The following FANCL variants were observed in gnomAD, a reference collection of about 807,000 sequenced individuals.
FANCL encodes the protein E3 ubiquitin-protein ligase FANCL.
In FANCL, 69 loss-of-function variants were observed where a neutral mutation model predicts 59.4. The observed-to-expected ratio is 1.16, with a 90% CI of 0.96 to 1.42. The LOEUF (loss-of-function observed/expected upper bound fraction) is 1.42. Among genes scored for constraint, FANCL ranks in the 40% most tolerant of loss-of-function variants. The probability of loss-of-function intolerance (pLI) is 0.00; values close to 1 mark genes in which losing one functional copy is unlikely to be tolerated. For synonymous variants in FANCL, 180 were observed against 147.1 expected (o/e 1.22, Z -1.62); for missense variants, 519 against 447.2 (o/e 1.16, Z -1.45).
intron 7 of FANCL, among the ~76,000 whole-genome samples, chr2:58,185,949 T>C (rs183122859): frequency 2.0e-4 from 30 of 152,252 alleles, no homozygotes; most frequent in African/African-American, 7.0e-4. Context: ...CACTGAAATA[T>C]TGAGAAACAC....
intron 7 of FANCL, among the ~76,000 whole-genome samples, chr2:58,197,398 T>G (rs1238231245): frequency 6.6e-6 from 1 of 152,134 alleles, no homozygotes; most frequent in African/African-American, 2.4e-5. Context: ...TACGGAATAT[T>G]TGTAAAATGT....
chr2:58,206,497 G>A (rs1690597029), intron 5 of FANCL, among the ~76,000 whole-genome samples: 1 of 138,484 alleles, frequency 7.2e-6, no homozygotes, highest in South Asian at 2.6e-4. Context: ...GTTTAAGAGG[G>A]GTGGAAGAAA....
chr2:58,177,638 G>T (rs1324410234), intron 7 of FANCL, among the ~76,000 whole-genome samples: 2 of 105,152 alleles, frequency 1.9e-5, no homozygotes, highest in Non-Finnish European at 3.7e-5. Flanking sequence ...TTGTGGGGTG[G>T]GGGGAGGGGG....
intron 7 of FANCL, among the ~76,000 whole-genome samples, chr2:58,177,331 T>C (rs996540407): frequency 7.2e-5 from 11 of 152,052 alleles, no homozygotes; most frequent in South Asian, 4.2e-4. Context: ...CACATGCACA[T>C]CTATGTTTAT....
chr2:58,220,621 T>C lies in FANCL; in HGVS notation c.374+1321A>G, dbSNP rs951967104. On this transcript the variant is annotated intron_variant, in intron 5 of 13. Coordinates refer to ENST00000233741, the MANE Select transcript of FANCL (RefSeq NM_018062.4). ...TTTCTTTAGTTATCAGGTAATGGTA[T>C]AAAATATATTAAAGGACATATATTC... is the stretch of plus-strand genomic sequence containing the variant. Among the ~76,000 whole-genome samples the C allele has an allele frequency of 2.6e-5, 4 of 152,222 alleles. No homozygotes were observed. The East Asian group carries it at 7.7e-4, about 29-fold the overall frequency.
At chr2:58,200,041 T>G (rs1218918958) in intron 6 of FANCL, among the ~76,000 whole-genome samples, 3 of 150,758 alleles carry the variant, frequency 2.0e-5, no homozygotes, top group Admixed American at 2.0e-4. Flanking sequence ...TATGTAGAAC[T>G]AATTAACACA....
At chr2:58,226,517 A>G (rs1193796887) in intron 4 of FANCL, among the ~76,000 whole-genome samples, 1 of 152,184 alleles carries the variant, frequency 6.6e-6, no homozygotes, top group Non-Finnish European at 1.5e-5. Flanking sequence ...CCTAGTTTAT[A>G]ATACAATCAA....
At chr2:58,164,614 T>G (rs1283524288) in intron 8 of FANCL, among the ~76,000 whole-genome samples, 3 of 151,940 alleles carry the variant, frequency 2.0e-5, no homozygotes, top group Admixed American at 1.3e-4. Flanking sequence ...AAAAGGTAAA[T>G]AGGGAATGAA....
At position 58,238,442 on chromosome 2, in the gene FANCL, C is replaced by G. The variant is rs72948894; in HGVS notation, c.96+2776G>C. On this transcript the variant is annotated intron_variant, in intron 1 of 13. Coordinates refer to ENST00000233741, the MANE Select transcript of FANCL (RefSeq NM_018062.4). The stretch of plus-strand genomic sequence containing the variant: ...TGAAGTAAATAGCAGCAAAAGATAA[C>G]CAACATAGAGAGCATCATTACAGAT... Among the ~76,000 whole-genome samples the G allele has an allele frequency of 2.0e-3, 297 of 152,164 alleles. 2 individuals are homozygous for G. Among genetic ancestry groups the G allele is most frequent in the African/African-American group, 6.7e-3 (279 of 41,498 alleles).
rs969803024 is a variant in FANCL, at chr2:58,159,607, G to T, written c.*158C>A. On this transcript the variant is annotated 3_prime_UTR_variant, in exon 14 of 14. Coordinates refer to ENST00000233741, the MANE Select transcript of FANCL (RefSeq NM_018062.4). The stretch of plus-strand genomic sequence containing the variant: ...TACAATTTCCCAGTTTACTCTTAGT[G>T]AAGAGACAAACGCAGATGTTTATTA... 2 of 1,613,816 alleles carry T rather than the reference G, an allele frequency of 1.2e-6. No homozygotes were observed. The highest frequency in any genetic ancestry group is 2.2e-5 in the East Asian group (1 of 44,844).
chr2:58,204,200 C>A lies in FANCL; in HGVS notation c.401G>T (p.Ser134Ile), dbSNP rs377429618. The A allele has an allele frequency of 3.6e-5, 58 of 1,613,048 alleles. No homozygotes were observed. The highest frequency in any genetic ancestry group is 4.7e-5 in the Non-Finnish European group (56 of 1,179,332). ...ATCTTCTGCTTTTAACTTGATGGTA[C>A]TGAAGCAGGTATCCGCATACACAAG... is the stretch of plus-strand genomic sequence containing the variant. Reference protein sequence around the residue: ...DKLVYADTCFSTIKLKAEDAS... With the variant: ...DKLVYADTCFITIKLKAEDAS... Residue 134 changes from serine to isoleucine, a missense_variant, in exon 6 of 14, where the codon AGT becomes ATT. Physicochemically the swap from Ser to Ile is moderately radical, Grantham distance 142. Transcript: ENST00000233741.
At chr2:58,225,805 C>G (rs1171990476) in intron 4 of FANCL, among the ~76,000 whole-genome samples, 1 of 151,776 alleles carries the variant, frequency 6.6e-6, no homozygotes, top group African/African-American at 2.4e-5. Flanking sequence ...TTTTATTCAA[C>G]AAATACATGG....
chr2:58,241,050 G>T (rs1188842408), intron 1 of FANCL, among the ~76,000 whole-genome samples, 168 bp downstream of exon 1: 1 of 152,184 alleles, frequency 6.6e-6, no homozygotes, highest in Non-Finnish European at 1.5e-5. Flanking sequence ...CCGGGGTGGC[G>T]GCGACAGCGG....
At chr2:58,174,949 T>A (rs1034260615) in intron 7 of FANCL, among the ~76,000 whole-genome samples, 1 of 151,902 alleles carries the variant, frequency 6.6e-6, no homozygotes, top group Non-Finnish European at 1.5e-5. Context: ...TGATAAAGGG[T>A]ACATCACCAC....
At chr2:58,180,660 A>G (rs914240424) in intron 7 of FANCL, among the ~76,000 whole-genome samples, 3 of 152,142 alleles carry the variant, frequency 2.0e-5, no homozygotes, top group African/African-American at 7.2e-5. Context: ...TACCTATGTA[A>G]CAAACCTGCA....
At chr2:58,224,423 C>A (rs1692777938) in intron 4 of FANCL, among the ~76,000 whole-genome samples, 1 of 151,644 alleles carries the variant, frequency 6.6e-6, no homozygotes, top group Non-Finnish European at 1.5e-5. Flanking sequence ...AGTTTGATAA[C>A]CCTTATTAAT....
rs560703025 is a variant in FANCL, at chr2:58,178,894, CA to C, written c.541-13021del. On this transcript the variant is annotated intron_variant, in intron 7 of 13. Transcript: ENST00000233741. ...GCAACATCAGCAAGGTCTCAGGATA[CA>C]AAATCAATGTACAAAAATCACAAGC... Among the ~76,000 whole-genome samples the C allele has an allele frequency of 1.6e-4, 24 of 152,238 alleles. No homozygotes were observed. The South Asian group carries it at 4.6e-3, about 29-fold the overall frequency.
intron 7 of FANCL, among the ~76,000 whole-genome samples, chr2:58,176,186 T>C (rs1464207371): frequency 2.0e-5 from 3 of 152,126 alleles, no homozygotes; most frequent in Non-Finnish European, 2.9e-5. Flanking sequence ...ATCAATATCA[T>C]GAAAATGGCC....
At chr2:58,183,451 T>C (rs138436131) in intron 7 of FANCL, among the ~76,000 whole-genome samples, 1 of 152,070 alleles carries the variant, frequency 6.6e-6, no homozygotes, top group African/African-American at 2.4e-5. Context: ...TATTAGTTAC[T>C]GCTTTTATTA....
Sources: gnomAD v4.1 joint callset for allele counts (sites outside exome capture counted in the v4.1 genomes callset) on GRCh38, gnomAD v4.1.1 for gene constraint, MANE v1.5 for transcripts, NCBI Gene and HGNC (gene_info 2026-07-23, HGNC 2026-07-21) for gene names.